Variants in CCDC180 observed in about 807,000 individuals in gnomAD.
The protein encoded by CCDC180 is coiled-coil domain-containing protein 180.
Under a neutral mutation model 209.2 loss-of-function variants are expected in CCDC180, and 154 were observed. That is an observed-to-expected ratio of 0.74 (90% CI 0.65 to 0.84). The LOEUF (loss-of-function observed/expected upper bound fraction) is 0.84. Among genes scored for constraint, CCDC180 ranks in the 40% least tolerant of loss-of-function variants. The pLI, the probability that CCDC180 is intolerant of heterozygous loss-of-function variation, is 0.00. For missense variants in CCDC180, 1,874 were observed against 1,997.3 expected, an observed-to-expected ratio of 0.94 and a Z score of 1.18; for synonymous variants, 778 against 749.1, an observed-to-expected ratio of 1.04 and a Z score of -0.63.
upstream of CCDC180, chr9:97,307,410 A>G (rs1564141684): frequency 1.8e-6 from 1 of 563,104 alleles, no homozygotes. Flanking sequence ...GGCCGGACGC[A>G]AGGCCTCCCT....
At position 97,374,628 on chromosome 9, in the gene CCDC180, CCT is replaced by C. The variant is rs1827193376; in HGVS notation, c.4687_4688del (p.Leu1563AspfsTer2). 6.2e-7 allele frequency: 1 copy of C among 1,613,994 alleles called. No individual in the cohort carries two copies. The highest frequency in any genetic ancestry group is 1.1e-5 in the South Asian group (1 of 91,084). On this transcript the variant is annotated frameshift_variant, in exon 35 of 37. Coordinates refer to ENST00000529487, the MANE Select transcript of CCDC180 (RefSeq NM_020893.6). LOFTEE classifies it high-confidence loss of function. ...LSLKEESEKP[L>X]IERGSRKWPG... ...CCCTGAAGGAAGAGAGTGAGAAACC[CCT>C]GATTGAACGTGGAAGCAGGTGAGAA...
intron 10 of CCDC180, among the ~76,000 whole-genome samples, chr9:97,319,661 A>G (rs1010235568): frequency 6.6e-6 from 1 of 152,214 alleles, no homozygotes; most frequent in South Asian, 2.1e-4. Flanking sequence ...CCATGATCTC[A>G]TTCTTTTTTT....
chr9:97,310,280 C>T (rs1438580960), intron 3 of CCDC180, among the ~76,000 whole-genome samples: 4 of 152,238 alleles, frequency 2.6e-5, no homozygotes, highest in Non-Finnish European at 5.9e-5. Flanking sequence ...CTGTGGGCCT[C>T]GGGTGTCTCT....
rs535857531 is a variant in CCDC180, at chr9:97,324,297, C to T, written c.1371+394C>T. 3.3e-5 allele frequency among the ~76,000 whole-genome samples: 5 copies of T among 152,298 alleles called. No individual in the cohort carries two copies. The South Asian group carries it at 8.3e-4, about 25-fold the overall frequency. On this transcript the variant is annotated intron_variant, in intron 13 of 36. Coordinates refer to ENST00000529487, the MANE Select transcript of CCDC180 (RefSeq NM_020893.6). ...GCTCTGTGGGCCATCAGGTCTCTGA[C>T]GCACCTTGTCAGCTCCACCAGTGCC...
chr9:97,347,788 T>A (rs1332627505), intron 20 of CCDC180: 2 of 274,980 alleles, frequency 7.3e-6, no homozygotes, highest in East Asian at 8.5e-5. Flanking sequence ...GATCTGCTCA[T>A]ACACCTGTCA....
At chr9:97,311,688 A>G (rs887703595) in intron 3 of CCDC180, among the ~76,000 whole-genome samples, 5 of 152,124 alleles carry the variant, frequency 3.3e-5, no homozygotes, top group African/African-American at 1.2e-4. Context: ...TTTCTGGAAA[A>G]TGAGGTTACC....
At chr9:97,358,369 A>G (rs35788892) in intron 25 of CCDC180, among the ~76,000 whole-genome samples, 32,502 of 151,988 alleles carry the variant, frequency 0.21, 3,715 homozygotes, top group East Asian at 0.39. Flanking sequence ...TGACCCGCCC[A>G]CATCAGCCTC....
Position 97,374,639 on chromosome 9 carries a change from G to T in CCDC180, c.4697G>T (p.Arg1566Leu), listed in dbSNP as rs186799713. 1.2e-6 allele frequency: 2 copies of T among 1,613,654 alleles called. No homozygotes were observed. Among genetic ancestry groups the T allele is most frequent in the East Asian group, 2.2e-5 (1 of 44,876 alleles). The change falls in exon 35 of 37, where the codon CGT becomes CTT. Residue 1566 changes from arginine (R) to leucine (L), a missense_variant. Coordinates refer to ENST00000529487, the MANE Select transcript of CCDC180 (RefSeq NM_020893.6). ...GAGAGTGAGAAACCCCTGATTGAAC[G>T]TGGAAGCAGGTGAGAACCAAGAGCA... ...KEESEKPLIERGSRKWPGIKP... is the reference protein window; with the variant it reads ...KEESEKPLIELGSRKWPGIKP...
chr9:97,359,879 G>T, intron 25 of CCDC180, 103 bp from the exon 26 acceptor site: 6 of 1,459,414 alleles, frequency 4.1e-6, no homozygotes, highest in Non-Finnish European at 5.6e-6. Flanking sequence ...AAGCCAAGAG[G>T]TATCCTCATC....
chr9:97,362,276 C>T lies in CCDC180; in HGVS notation c.3737C>T (p.Ser1246Phe), dbSNP rs750372111. 3.1e-6 allele frequency: 5 copies of T among 1,614,166 alleles called. No homozygotes were observed. Among genetic ancestry groups the T allele is most frequent in the Non-Finnish European group, 3.4e-6 (4 of 1,180,032 alleles). Reference sequence around the variant, plus strand: ...GGTAGAGGCGCATGGGCCTGTGGGTCTCGGGGCAGCAGTGAGGCAGGGGCT... The same window carrying T: ...GGTAGAGGCGCATGGGCCTGTGGGTTTCGGGGCAGCAGTGAGGCAGGGGCT... Reference protein sequence around the residue: ...QTGRGAWACGSRGSSEAGAGG... With the variant: ...QTGRGAWACGFRGSSEAGAGG... Residue 1246 changes from serine (S) to phenylalanine (F), a missense_variant, in exon 28 of 37, where the codon TCT becomes TTT. Coordinates refer to ENST00000529487, the MANE Select transcript of CCDC180 (RefSeq NM_020893.6).
intron 18 of CCDC180, among the ~76,000 whole-genome samples, chr9:97,342,178 G>A (rs1015542986): frequency 5.3e-5 from 8 of 152,230 alleles, no homozygotes; most frequent in African/African-American, 1.7e-4. Flanking sequence ...TCCGTGGGCT[G>A]CACCCACTTT....
Position 97,318,448 on chromosome 9 carries a change from A to G in CCDC180, c.960-15A>G. On this transcript the variant is annotated splice_polypyrimidine_tract_variant and intron_variant, in intron 9 of 36. Transcript: ENST00000529487. ...CTCCTCTCCCCTTTATGGTGCCAAC[A>G]TGTCTGGCCACCAGTGAGTTCATGG... The G allele has an allele frequency of 6.2e-7, 1 of 1,612,932 alleles. No individual in the cohort carries two copies. Among genetic ancestry groups the G allele is most frequent in the Non-Finnish European group, 8.5e-7 (1 of 1,179,550 alleles).
intron 29 of CCDC180, chr9:97,364,695 G>C (rs1053161020): frequency 6.5e-6 from 1 of 154,996 alleles, no homozygotes; most frequent in African/African-American, 2.4e-5. Flanking sequence ...TGTGACATCA[G>C]GCAACCCAGG....
Position 97,366,262 on chromosome 9 carries a change from A to G in CCDC180, c.4048-297A>G, listed in dbSNP as rs1004545156. ...CTTGGCACTTCCTTGTAAGCTCCCA[A>G]CCTGGTCACCAATCTGAGATTCCAT... On this transcript the variant is annotated intron_variant, in intron 30 of 36. Coordinates refer to ENST00000529487, the MANE Select transcript of CCDC180 (RefSeq NM_020893.6). This position sits in a 1 kb window ranked among gnomAD's most constrained non-coding sequence, Gnocchi z 4.3. Among the ~76,000 whole-genome samples the G allele has an allele frequency of 2.0e-5, 3 of 152,184 alleles. No homozygotes were observed. Among genetic ancestry groups the G allele is most frequent in the Non-Finnish European group, 2.9e-5 (2 of 68,022 alleles).
At chr9:97,354,813 G>A in intron 23 of CCDC180, 79 bp from the exon 24 acceptor site, 1 of 1,566,434 alleles carries the variant, frequency 6.4e-7, no homozygotes, top group Non-Finnish European at 8.8e-7. Context: ...ACCATTCACT[G>A]GGCCTGTCCC....
Position 97,318,479 on chromosome 9 carries a change from G to A in CCDC180, c.976G>A (p.Glu326Lys). 2.5e-6 allele frequency: 4 copies of A among 1,613,680 alleles called. No homozygotes were observed. Among genetic ancestry groups the A allele is most frequent in the Non-Finnish European group, 3.4e-6 (4 of 1,179,872 alleles). The change falls in exon 10 of 37, where the codon GAG becomes AAG. Residue 326 changes from glutamate (E) to lysine (K), a missense_variant. Glu to Lys is a moderately conservative substitution (Grantham distance 56). Transcript: ENST00000529487. Reference protein sequence around the residue: ...LQSFSEFMASESIHTPPAVTK... With the variant: ...LQSFSEFMASKSIHTPPAVTK... Reference sequence around the variant, plus strand: ...GGCCACCAGTGAGTTCATGGCCAGTGAGAGTATCCATACTCCCCCGGCTGT... The same window carrying A: ...GGCCACCAGTGAGTTCATGGCCAGTAAGAGTATCCATACTCCCCCGGCTGT...
chr9:97,327,230 C>G (rs749468280), intron 15 of CCDC180, among the ~76,000 whole-genome samples: 6 of 152,158 alleles, frequency 3.9e-5, no homozygotes, highest in Non-Finnish European at 7.3e-5. Flanking sequence ...AAGTTAACCA[C>G]TGCAAACATA....
rs572426491 is a variant in CCDC180 at position 97,338,184 on chromosome 9, T to C, written c.2275-5156T>C. ...CCTTCAGTTCTGCTCTAATCTTAGC[T>C]ATTTCTTGCCTTCTGCTAGCTTTTG... On this transcript the variant is annotated intron_variant, in intron 18 of 36. Transcript: ENST00000529487. Among the ~76,000 whole-genome samples, 58 of 152,362 alleles carry C rather than the reference T, an allele frequency of 3.8e-4. No individual in the cohort carries two copies. The East Asian group carries it at 9.6e-3, about 25-fold the overall frequency.
chr9:97,309,674 C>A, intron 3 of CCDC180, 70 bp downstream of exon 3: 2 of 1,301,336 alleles, frequency 1.5e-6, no homozygotes, highest in Non-Finnish European at 2.1e-6. Context: ...TCAAAAAGAG[C>A]CAGCACAAGA....
Sources: gnomAD v4.1 joint callset for allele counts (sites outside exome capture counted in the v4.1 genomes callset) on GRCh38, gnomAD v4.1.1 for gene constraint, Gnocchi (gnomAD v3.1) non-coding constraint, MANE v1.5 for transcripts, NCBI Gene and HGNC (gene_info 2026-07-23, HGNC 2026-07-21) for gene names.